PRPF40B: variants seen among roughly 807,000 people sequenced by gnomAD.
The protein encoded by PRPF40B is pre-mRNA processing factor 40B.
Under a neutral mutation model 124.5 loss-of-function variants are expected in PRPF40B, and 56 were observed. The ratio of observed to expected loss-of-function variants is 0.45; its 90% CI spans 0.36 to 0.56. The LOEUF is 0.56. Among genes scored for constraint, PRPF40B ranks in the 20% least tolerant of loss-of-function variants. The pLI, the probability that PRPF40B is intolerant of heterozygous loss-of-function variation, is 0.00. For missense variants in PRPF40B, 1,053 were observed against 1,169.5 expected (o/e 0.90, Z 1.45); for synonymous variants, 443 against 426.4 (o/e 1.04, Z -0.48).
Position 49,634,109 on chromosome 12 carries a change from A to G in PRPF40B, c.812+17A>G. ...CCCCAGCAGGTGAGGGCTGCCCCCC[A>G]TGGCATTCCCAATGTTGGCCTCAGA... On this transcript the variant is annotated intron_variant, in intron 10 of 25. Transcript: ENST00000548825. 1 of 1,607,690 alleles carries G rather than the reference A, an allele frequency of 6.2e-7. No homozygotes were observed. Among genetic ancestry groups the G allele is most frequent in the African/African-American group, 1.3e-5 (1 of 74,884 alleles).
Position 49,623,563 on chromosome 12 carries a change from G to A in PRPF40B, c.-28G>A, listed in dbSNP as rs1940390391. On this transcript the variant is annotated 5_prime_UTR_variant, in exon 1 of 26. Transcript: ENST00000548825. ...CGGCTCTTACTGGCGGGTGGGCTGA[G>A]CCGGCCCAGCTGCTCGGAGGCTCTG... The A allele has an allele frequency of 2.4e-6, 3 of 1,238,952 alleles. No individual in the cohort carries two copies. The highest frequency in any genetic ancestry group is 2.9e-4 in the Middle Eastern group (1 of 3,464). 76.7% of individuals were successfully genotyped at this position (1,238,952 alleles called of 1,614,324 possible).
In PRPF40B at chr12:49,643,618, A is replaced by G; in HGVS notation, c.2381-73A>G. The G allele has an allele frequency of 3.3e-6, 5 of 1,509,276 alleles. No homozygotes were observed. In the South Asian group the frequency reaches 4.9e-5, roughly 15 times the overall value. 93.5% of individuals were successfully genotyped at this position (1,509,276 alleles called of 1,614,324 possible). On this transcript the variant is annotated intron_variant, in intron 23 of 25. Coordinates refer to ENST00000548825, the MANE Select transcript of PRPF40B (RefSeq NM_001031698.3). ...AGGTTCCTGCCTGTGAAGAATGAACAGAGGGGCTAGAACAAAGAAAAAGAG... is the reference window on the plus strand; with the variant it reads ...AGGTTCCTGCCTGTGAAGAATGAACGGAGGGGCTAGAACAAAGAAAAAGAG...
At chr12:49,640,209 C>G (rs143202963) in intron 18 of PRPF40B, 2 of 152,128 alleles carry the variant, frequency 1.3e-5, no homozygotes, top group South Asian at 4.2e-4. Context: ...CAGACAGATC[C>G]GGGTCAGGGA....
rs1394726719 is a variant in PRPF40B, at chr12:49,642,781, C to T, written c.2118+106C>T. ...CTCTTACCCTTAGGGCACTCCTGGCCAGCTAAGGAAGGGGAGGCCTGAGGA... is the reference window on the plus strand; with the variant it reads ...CTCTTACCCTTAGGGCACTCCTGGCTAGCTAAGGAAGGGGAGGCCTGAGGA... On this transcript the variant is annotated intron_variant, in intron 21 of 25. Transcript: ENST00000548825. This position sits in a 1 kb window ranked among gnomAD's most constrained non-coding sequence, Gnocchi z 5.8. 2.8e-6 allele frequency: 4 copies of T among 1,443,136 alleles called. No homozygotes were observed. The highest frequency in any genetic ancestry group is 1.4e-5 in the African/African-American group (1 of 70,636). The allele number at this position is 1,443,136 out of a possible 1,614,324, so 89.4% of individuals were successfully genotyped here. A position where few individuals can be genotyped will look rare whatever the true frequency, so the allele number is the denominator to read the frequency against.
rs762123372 is a variant in PRPF40B at position 49,634,388 on chromosome 12, G to T, written c.869G>T (p.Arg290Met). ...GAGGAATCAAAGCCAGAACCAGAGAGGTCTGGCCTCAGTTGGAGCAACCGG... is the reference window on the plus strand; with the variant it reads ...GAGGAATCAAAGCCAGAACCAGAGATGTCTGGCCTCAGTTGGAGCAACCGG... Reference protein sequence around the residue: ...EEEESKPEPERSGLSWSNREK... With the variant: ...EEEESKPEPEMSGLSWSNREK... The change falls in exon 11 of 26, where the codon AGG (arginine) becomes ATG (methionine). Residue 290 changes from arginine to methionine, a missense_variant. This residue lies in a region of PRPF40B where 895 missense variants were observed against 1,052.2 expected (regional missense o/e 0.85). Transcript: ENST00000548825. The T allele has an allele frequency of 1.3e-5, 21 of 1,614,240 alleles. No individual in the cohort carries two copies. The highest frequency in any genetic ancestry group is 1.2e-4 in the Admixed American group (7 of 60,036).
intron 18 of PRPF40B, chr12:49,640,788 A>C (rs1228657947): frequency 6.6e-6 from 1 of 152,250 alleles, no homozygotes; most frequent in Admixed American, 6.5e-5. Flanking sequence ...AAACAATGGA[A>C]AAGAGCAGAG....
intron 2 of PRPF40B, 151 bp downstream of exon 2, chr12:49,630,776 T>G: frequency 1.6e-6 from 1 of 606,852 alleles, no homozygotes; most frequent in Non-Finnish European, 3.0e-6. Context: ...GAGCATTGGG[T>G]TGGGGAGAGC....
At chr12:49,634,731 G>A (rs1941586062) in intron 12 of PRPF40B, 129 bp downstream of exon 12, 8 of 1,195,914 alleles carry the variant, frequency 6.7e-6, no homozygotes, top group Admixed American at 2.4e-5. Flanking sequence ...TTGGGTTGGG[G>A]TGCAAGGGGA....
intron 12 of PRPF40B, 84 bp downstream of exon 12, chr12:49,634,686 A>C: frequency 6.5e-7 from 1 of 1,537,772 alleles, no homozygotes; most frequent in Non-Finnish European, 8.9e-7. Flanking sequence ...CTCAACACTC[A>C]GCCCTAAGGG....
chr12:49,644,582 G>GGCTCCACCACTTCTT lies in PRPF40B; in HGVS notation c.*391_*405dup. ...CTGCTCCTGCCTGCCCTGGCCCTGA[G>GGCTCCACCACTTCTT]GCTCCACCACTTCTTCCTCCACCCA... On this transcript the variant is annotated 3_prime_UTR_variant, in exon 26 of 26. Coordinates refer to ENST00000548825, the MANE Select transcript of PRPF40B (RefSeq NM_001031698.3). 4.2e-6 allele frequency: 1 copy of GGCTCCACCACTTCTT among 239,380 alleles called. No homozygotes were observed. Among genetic ancestry groups the GGCTCCACCACTTCTT allele is most frequent in the Admixed American group, 4.9e-5 (1 of 20,286 alleles). The allele number at this position is 239,380 out of a possible 1,614,324, so 14.8% of individuals were successfully genotyped here.
chr12:49,630,581 C>A lies in PRPF40B; in HGVS notation c.40C>A (p.Pro14Thr), dbSNP rs1434811061. The A allele has an allele frequency of 7.0e-7, 1 of 1,436,120 alleles. No homozygotes were observed. Among genetic ancestry groups the A allele is most frequent in the Non-Finnish European group, 9.8e-7 (1 of 1,022,794 alleles). 89.0% of individuals were successfully genotyped at this position (1,436,120 alleles called of 1,614,324 possible). A position where few individuals can be genotyped will look rare whatever the true frequency, so the allele number is the denominator to read the frequency against. The change falls in exon 2 of 26, where the codon CCT (proline) becomes ACT (threonine). Residue 14 changes from proline (P) to threonine (T), a missense_variant. By Grantham distance (38) the Pro-to-Thr change is conservative. Transcript: ENST00000548825. ...PDSGPRPPAA[P>T]APFPPGPPMM... ...TTCTGGTCCCCGGCCCCCAGCAGCG[C>A]CTGCCCCCTTCCCACCGGGGCCCCC...
At chr12:49,643,198 G>A (rs1942901425) in intron 22 of PRPF40B, 25 bp from the exon 23 acceptor site, 1 of 1,613,462 alleles carries the variant, frequency 6.2e-7, no homozygotes, top group East Asian at 2.2e-5. Context: ...CCTCTGCACT[G>A]ACATGTATCT....
chr12:49,638,608 GA>G (rs1288662248), intron 18 of PRPF40B: 1 of 151,966 alleles, frequency 6.6e-6, no homozygotes, highest in African/African-American at 2.4e-5. Context: ...TGTTCCAAAA[GA>G]AAAAAACAAA....
At chr12:49,639,004 A>G (rs900390579) in intron 18 of PRPF40B, 1 of 152,214 alleles carries the variant, frequency 6.6e-6, no homozygotes. Flanking sequence ...ATTACTTACC[A>G]TTAGGTAAGA....
At chr12:49,636,885 T>C in intron 16 of PRPF40B, 36 bp downstream of exon 16, 1 of 1,612,208 alleles carries the variant, frequency 6.2e-7, no homozygotes, top group Admixed American at 1.7e-5. Context: ...AGAGCTCAGC[T>C]CTGCCCTAGA....
chr12:49,624,433 C>G (rs1440168144), intron 1 of PRPF40B, among the ~76,000 whole-genome samples: 2 of 152,028 alleles, frequency 1.3e-5, no homozygotes, highest in African/African-American at 4.8e-5. Context: ...CTAGCCTTAT[C>G]CTGTTGGAGG....
At chr12:49,624,198 A>C (rs1263425670) in intron 1 of PRPF40B, 17 of 976,780 alleles carry the variant, frequency 1.7e-5, no homozygotes, top group Non-Finnish European at 2.1e-5. Flanking sequence ...TTTGGGCCTC[A>C]GATTTCCCAT....
intron 1 of PRPF40B, among the ~76,000 whole-genome samples, chr12:49,629,043 T>C (rs951002720): frequency 6.6e-6 from 1 of 152,246 alleles, no homozygotes; most frequent in African/African-American, 2.4e-5. Flanking sequence ...CTGGGCCCTT[T>C]AGCTGCATCT....
chr12:49,629,818 T>A (rs1941054291), intron 1 of PRPF40B, among the ~76,000 whole-genome samples: 1 of 152,168 alleles, frequency 6.6e-6, no homozygotes, highest in African/African-American at 2.4e-5. Context: ...AGACAGCCAT[T>A]AGGGGTAGGA....
Sources: allele counts gnomAD v4.1 joint callset (sites outside exome capture counted in the v4.1 genomes callset), GRCh38; gene constraint gnomAD v4.1.1; regional missense constraint gnomAD v4.1.1; non-coding constraint Gnocchi (gnomAD v3.1); transcripts MANE v1.5; gene names NCBI Gene and HGNC (gene_info 2026-07-23, HGNC 2026-07-21).